The following ITGAL variants were observed in gnomAD, a reference collection of about 807,000 sequenced individuals.
The protein encoded by ITGAL is integrin subunit alpha L.
ITGAL carries 68 observed loss-of-function variants against 138.4 expected under a neutral mutation model. The observed-to-expected ratio is 0.49, with a 90% CI of 0.40 to 0.60. The LOEUF (loss-of-function observed/expected upper bound fraction) is 0.60. ITGAL is among the 20% of genes least tolerant of loss of function. The pLI is 0.00. For missense variants in ITGAL, 1,256 were observed against 1,478.6 expected, an observed-to-expected ratio of 0.85 and a Z score of 2.47; for synonymous variants, 561 against 584.3, an observed-to-expected ratio of 0.96 and a Z score of 0.57.
At chr16:30,492,277 G>T (rs1383297738) in intron 11 of ITGAL, among the ~76,000 whole-genome samples, 4 of 145,076 alleles carry the variant, frequency 2.8e-5, no homozygotes, top group Non-Finnish European at 4.5e-5. Flanking sequence ...TTTTGAGACT[G>T]AGTCTCTCTG....
At chr16:30,485,139 T>G in intron 9 of ITGAL, among the ~76,000 whole-genome samples, 2 of 150,588 alleles carry the variant, frequency 1.3e-5, no homozygotes, top group South Asian at 2.1e-4. Flanking sequence ...CCTTCCTCCC[T>G]TCCTTCCCTT....
intron 21 of ITGAL, among the ~76,000 whole-genome samples, chr16:30,508,874 C>G (rs1275007500): frequency 6.6e-6 from 1 of 150,486 alleles, no homozygotes; most frequent in African/African-American, 2.4e-5. Context: ...AAACAAAAAA[C>G]AAAAAACAAA....
chr16:30,505,112 C>G (rs2050966808), intron 18 of ITGAL, 132 bp from the exon 19 acceptor site: 2 of 754,214 alleles, frequency 2.7e-6, no homozygotes, highest in Admixed American at 3.1e-5. Flanking sequence ...GGAAAGGCAG[C>G]TGGCTCCTGG....
At chr16:30,490,849 A>G (rs35507507) in intron 11 of ITGAL, among the ~76,000 whole-genome samples, 1 of 152,140 alleles carries the variant, frequency 6.6e-6, no homozygotes, top group East Asian at 1.9e-4. Flanking sequence ...ACGCACCTGT[A>G]GTCCCAGCTA....
At chr16:30,483,687 C>T in intron 7 of ITGAL, 140 bp from the exon 8 acceptor site, 1 of 864,976 alleles carries the variant, frequency 1.2e-6, no homozygotes, top group Non-Finnish European at 1.8e-6. Context: ...GTGACTGCTG[C>T]AGGCTTGGAA....
intron 14 of ITGAL, 52 bp downstream of exon 14, chr16:30,496,346 C>T: frequency 6.2e-7 from 1 of 1,607,864 alleles, no homozygotes. Flanking sequence ...CCCTAAGCCC[C>T]CAAGCCCAGA....
At position 30,479,454 on chromosome 16, in the gene ITGAL, C is replaced by T. The variant is rs2050522433; in HGVS notation, c.569C>T (p.Ser190Leu). ...KDVMKKLSNTSYQFAAVQFST... is the reference protein window; with the variant it reads ...KDVMKKLSNTLYQFAAVQFST... ...GTGATGAAGAAACTCAGCAACACTT[C>T]GTACCAGGTAAAAAAGTTAGTTAGG... is the stretch of plus-strand genomic sequence containing the variant. Residue 190 changes from serine to leucine, a missense_variant, in exon 6 of 31, where the codon TCG (serine) becomes TTG (leucine). By Grantham distance (145) the Ser-to-Leu change is moderately radical (BLOSUM62 -2). Around this residue, in one of 3 missense-constraint regions of ITGAL, gnomAD observed 177 missense variants for 288.8 expected, o/e 0.61. Transcript: ENST00000356798. 6 of 1,613,880 alleles carry T rather than the reference C, an allele frequency of 3.7e-6. No individual in the cohort carries two copies. The highest frequency in any genetic ancestry group is 2.2e-5 in the South Asian group (2 of 91,064).
At chr16:30,508,444 C>T (rs901497474) in intron 21 of ITGAL, among the ~76,000 whole-genome samples, 3 of 151,858 alleles carry the variant, frequency 2.0e-5, no homozygotes, top group Non-Finnish European at 4.4e-5. Context: ...AACTCCTGTC[C>T]TCAGGTGATC....
chr16:30,522,965 A>C lies in ITGAL; in HGVS notation c.*1300A>C, dbSNP rs911480577. Reference sequence around the variant, plus strand: ...CCGTCTCAAGGAAAAAATAAAAATAAAAAGCGGGCACGGGCCCGTGACATC... The same window carrying C: ...CCGTCTCAAGGAAAAAATAAAAATACAAAGCGGGCACGGGCCCGTGACATC... On this transcript the variant is annotated 3_prime_UTR_variant, in exon 31 of 31. Coordinates refer to ENST00000356798, the MANE Select transcript of ITGAL (RefSeq NM_002209.3). This position sits in a 1 kb window ranked among gnomAD's most constrained non-coding sequence, Gnocchi z 4.0. 3.3e-5 allele frequency: 5 copies of C among 152,322 alleles called. No homozygotes were observed. The East Asian group carries it at 9.6e-4, about 29-fold the overall frequency. 9.4% of individuals were successfully genotyped at this position (152,322 alleles called of 1,614,324 possible).
Position 30,499,246 on chromosome 16 carries a change from C to T in ITGAL, c.1993+12C>T. The T allele has an allele frequency of 1.2e-6, 2 of 1,613,694 alleles. No homozygotes were observed. The highest frequency in any genetic ancestry group is 1.1e-5 in the South Asian group (1 of 91,064). ...CCCCCAGTTCCAAGGTCAGAGCTCT[C>T]CTCCTGCTCCCAGGGCAGCTGCCGC... On this transcript the variant is annotated intron_variant, in intron 16 of 30. Transcript: ENST00000356798.
chr16:30,482,328 C>T (rs572582852), intron 7 of ITGAL, among the ~76,000 whole-genome samples: 15 of 151,780 alleles, frequency 9.9e-5, no homozygotes, highest in South Asian at 2.1e-4. Flanking sequence ...CCAATGTGGC[C>T]GGAGAGAAAT....
chr16:30,493,364 C>T (rs547705990), intron 11 of ITGAL, among the ~76,000 whole-genome samples: 8 of 151,786 alleles, frequency 5.3e-5, no homozygotes, highest in Admixed American at 3.3e-4. Flanking sequence ...GCTTCAAGCT[C>T]CCCCTCCCAG....
chr16:30,517,950 G>A, intron 28 of ITGAL, 55 bp downstream of exon 28: 1 of 1,448,780 alleles, frequency 6.9e-7, no homozygotes, highest in Non-Finnish European at 9.7e-7. Context: ...AATGCCTGGG[G>A]CCGTTGTGGG....
chr16:30,509,487 G>T (rs2051056053), intron 21 of ITGAL: 1 of 152,120 alleles, frequency 6.6e-6, no homozygotes, highest in Non-Finnish European at 1.5e-5. Flanking sequence ...TTCTTTGATT[G>T]TACCACACTT....
intron 11 of ITGAL, among the ~76,000 whole-genome samples, chr16:30,490,110 C>T (rs1483724184): frequency 6.6e-6 from 1 of 151,494 alleles, no homozygotes; most frequent in Non-Finnish European, 1.5e-5. Context: ...GCCTTTAATT[C>T]CAGCTACTCA....
intron 24 of ITGAL, among the ~76,000 whole-genome samples, chr16:30,512,085 ATAGT>A (rs1469730615): frequency 2.0e-5 from 3 of 152,226 alleles, no homozygotes; most frequent in African/African-American, 7.2e-5. Flanking sequence ...TTAACAAAAC[ATAGT>A]TAGTTGTTTA....
intron 9 of ITGAL, among the ~76,000 whole-genome samples, chr16:30,488,702 CAAAAA>C (rs34533619): frequency 5.2e-5 from 3 of 57,696 alleles, no homozygotes; most frequent in East Asian, 5.5e-4. Flanking sequence ...GACTCCATCT[CAAAAA>C]AAAAAAAAAA....
At chr16:30,488,038 A>G (rs538720302) in intron 9 of ITGAL, among the ~76,000 whole-genome samples, 3 of 151,988 alleles carry the variant, frequency 2.0e-5, no homozygotes, top group Non-Finnish European at 4.4e-5. Flanking sequence ...TCTTAAGGAG[A>G]AGCTATATAA....
chr16:30,490,227 TAAAA>T (rs71149031), intron 11 of ITGAL, among the ~76,000 whole-genome samples: 1 of 129,542 alleles, frequency 7.7e-6, no homozygotes, highest in Non-Finnish European at 1.6e-5. Flanking sequence ...GACTCCGTCT[TAAAA>T]AAAAAAAAAA....
Sources: allele counts gnomAD v4.1 joint callset (sites outside exome capture counted in the v4.1 genomes callset), GRCh38; gene constraint gnomAD v4.1.1; regional missense constraint gnomAD v4.1.1; non-coding constraint Gnocchi (gnomAD v3.1); transcripts MANE v1.5; gene names NCBI Gene and HGNC (gene_info 2026-07-23, HGNC 2026-07-21).